CSMD3: variants seen among roughly 807,000 people sequenced by gnomAD.
The protein encoded by CSMD3 is CUB and sushi domain-containing protein 3.
A neutral mutation model predicts 435.2 loss-of-function variants in CSMD3; 177 were observed. The ratio of observed to expected loss-of-function variants is 0.41; its 90% CI spans 0.36 to 0.46. CSMD3 has a LOEUF of 0.46. Among genes scored for constraint, CSMD3 ranks in the 20% least tolerant of loss-of-function variants. The pLI is 0.34. For missense variants in CSMD3, 4,265 were observed against 4,504.6 expected (o/e 0.95, Z 1.52); for synonymous variants, 1,656 against 1,520.5 (o/e 1.09, Z -2.07).
At chr8:113,177,534 G>A (rs550476024) in intron 3 of CSMD3, among the ~76,000 whole-genome samples, 2 of 151,950 alleles carry the variant, frequency 1.3e-5, no homozygotes, top group Admixed American at 6.6e-5. Context: ...GTCTTCTAAC[G>A]TCCCATAATA....
chr8:112,283,275 C>A (rs553209467), intron 58 of CSMD3, among the ~76,000 whole-genome samples: 1 of 151,636 alleles, frequency 6.6e-6, no homozygotes, highest in Non-Finnish European at 1.5e-5. Context: ...TTTTGTGATG[C>A]ATCTTTATAG....
chr8:112,507,223 G>A (rs1187529976), intron 28 of CSMD3, among the ~76,000 whole-genome samples: 3 of 152,046 alleles, frequency 2.0e-5, no homozygotes, highest in African/African-American at 7.2e-5. Flanking sequence ...AGAAAAATAA[G>A]ACATGAGACA....
Position 112,540,866 on chromosome 8 carries a change from G to A in CSMD3, c.4564+9805C>T, listed in dbSNP as rs116555266. On this transcript the variant is annotated intron_variant, in intron 27 of 70. Transcript: ENST00000297405. ...CTATTGTTCAATAGCACAGTAGAGT[G>A]ATGATAGTTAATAAGAATTTATTTT... Among the ~76,000 whole-genome samples, 361 of 152,064 alleles carry A rather than the reference G, an allele frequency of 2.4e-3. 2 individuals are homozygous for A. The highest frequency in any genetic ancestry group is 8.4e-3 in the African/African-American group (349 of 41,542).
At chr8:113,163,494 C>A (rs1399713625) in intron 4 of CSMD3, among the ~76,000 whole-genome samples, 2 of 147,496 alleles carry the variant, frequency 1.4e-5, no homozygotes, top group Non-Finnish European at 3.0e-5. Context: ...TTTTTGTTAA[C>A]TAAATTAATA....
intron 3 of CSMD3, among the ~76,000 whole-genome samples, chr8:113,181,207 C>T (rs982156557): frequency 3.3e-5 from 5 of 151,672 alleles, no homozygotes; most frequent in African/African-American, 9.7e-5. Context: ...GTATTATAAG[C>T]AGTAGGAGAA....
rs780453119 is a variant in CSMD3 at position 112,859,260 on chromosome 8, G to A, written c.1640C>T (p.Thr547Met). 1.1e-5 allele frequency: 17 copies of A among 1,610,518 alleles called. No individual in the cohort carries two copies. The highest frequency in any genetic ancestry group is 2.2e-5 in the East Asian group (1 of 44,736). The change falls in exon 11 of 71, where the codon ACG (threonine) becomes ATG (methionine). Residue 547 changes from threonine (T) to methionine (M), a missense_variant. This residue lies in a region of CSMD3 where 731 missense variants were observed against 755.4 expected (regional missense o/e 0.97). Transcript: ENST00000297405. ...TGGTCCTTGAAGATTAGAGCCACAC[G>A]TTTTCACTAAAAGAGAAATTGCATT... ...SDHRPVCKVK[T>M]CGSNLQGPSG...
chr8:113,380,792 C>T (rs1013979208), intron 1 of CSMD3, among the ~76,000 whole-genome samples: 6 of 152,172 alleles, frequency 3.9e-5, no homozygotes, highest in African/African-American at 1.4e-4. Context: ...TTATAGTCTC[C>T]TGCTGTCTTT....
chr8:113,261,197 G>A (rs1163852613), intron 3 of CSMD3, among the ~76,000 whole-genome samples: 1 of 151,902 alleles, frequency 6.6e-6, no homozygotes, highest in Non-Finnish European at 1.5e-5. Context: ...AATGAAACAT[G>A]GTATTTAATT....
intron 1 of CSMD3, among the ~76,000 whole-genome samples, chr8:113,363,295 T>TAATAAAGG (rs2094289816): frequency 6.6e-6 from 1 of 152,014 alleles, no homozygotes; most frequent in African/African-American, 2.4e-5. Flanking sequence ...CGCGTGTTTG[T>TAATAAAGG]ATATTTCAAA....
At chr8:112,887,372 T>G (rs949243557) in intron 10 of CSMD3, among the ~76,000 whole-genome samples, 1 of 151,240 alleles carries the variant, frequency 6.6e-6, no homozygotes, top group Non-Finnish European at 1.5e-5. Context: ...TTTGAGGTAA[T>G]CTAATAGAGT....
intron 24 of CSMD3, among the ~76,000 whole-genome samples, chr8:112,570,120 T>C (rs1362816453): frequency 6.6e-6 from 1 of 152,178 alleles, no homozygotes; most frequent in East Asian, 1.9e-4. Context: ...GCACATTCTA[T>C]CACGTTCAGG....
intron 50 of CSMD3, among the ~76,000 whole-genome samples, chr8:112,307,269 C>T (rs1203938538): frequency 6.6e-6 from 1 of 151,860 alleles, no homozygotes; most frequent in Non-Finnish European, 1.5e-5. Flanking sequence ...ACTACAGGTG[C>T]GTACCACCAT....
chr8:112,593,232 C>A (rs769921133), intron 22 of CSMD3, among the ~76,000 whole-genome samples: 23 of 151,956 alleles, frequency 1.5e-4, no homozygotes, highest in Non-Finnish European at 3.1e-4. Context: ...AAAACATGAC[C>A]AACTTTGAGA....
intron 32 of CSMD3, among the ~76,000 whole-genome samples, chr8:112,466,032 T>C (rs1817925735): frequency 1.3e-5 from 2 of 150,960 alleles, no homozygotes; most frequent in Admixed American, 1.3e-4. Flanking sequence ...TAAAAAGTAA[T>C]GACAAATAGT....
At chr8:112,227,987 A>G (rs1812733889) in intron 70 of CSMD3, among the ~76,000 whole-genome samples, 1 of 152,098 alleles carries the variant, frequency 6.6e-6, no homozygotes, top group Non-Finnish European at 1.5e-5. Context: ...TGTTACAGTG[A>G]GCCGAGATTG....
At chr8:112,608,087 A>T (rs926456373) in intron 22 of CSMD3, among the ~76,000 whole-genome samples, 1 of 152,176 alleles carries the variant, frequency 6.6e-6, no homozygotes, top group Non-Finnish European at 1.5e-5. Context: ...TGGTAGAACT[A>T]ATAAATTAAT....
At chr8:112,803,405 G>C (rs115037332) in intron 12 of CSMD3, among the ~76,000 whole-genome samples, 3 of 152,126 alleles carry the variant, frequency 2.0e-5, no homozygotes, top group Non-Finnish European at 4.4e-5. Context: ...AAACAGATTT[G>C]TGTGCCTCAT....
At chr8:112,870,201 C>T (rs1236923205) in intron 10 of CSMD3, among the ~76,000 whole-genome samples, 1 of 151,292 alleles carries the variant, frequency 6.6e-6, no homozygotes, top group Non-Finnish European at 1.5e-5. Context: ...AAAAACTCAA[C>T]ATCAGTAATC....
intron 5 of CSMD3, among the ~76,000 whole-genome samples, chr8:113,069,771 G>A (rs931194460): frequency 2.6e-4 from 40 of 152,166 alleles, no homozygotes; most frequent in African/African-American, 8.4e-4. Context: ...AACAGAGTAC[G>A]GGTAGAAGAC....
Sources: gnomAD v4.1 joint callset for allele counts (sites outside exome capture counted in the v4.1 genomes callset) on GRCh38, gnomAD v4.1.1 for gene constraint, gnomAD v4.1.1 regional missense constraint, MANE v1.5 for transcripts, NCBI Gene and HGNC (gene_info 2026-07-23, HGNC 2026-07-21) for gene names.